Variants in DOCK8 observed in about 807,000 individuals in gnomAD.
DOCK8 encodes the protein dedicator of cytokinesis protein 8.
DOCK8 carries 141 observed loss-of-function variants against 245.6 expected under a neutral mutation model. The ratio of observed to expected loss-of-function variants is 0.57; its 90% CI spans 0.50 to 0.66. DOCK8 has a LOEUF of 0.66. Ranked by LOEUF, DOCK8 falls within the 30% of genes least tolerant of loss-of-function variation. The pLI is 0.00. For synonymous variants in DOCK8, 1,168 were observed against 970.2 expected, an observed-to-expected ratio of 1.20 and a Z score of -3.79; for missense variants, 2,965 against 2,603.4, an observed-to-expected ratio of 1.14 and a Z score of -3.02.
rs1277430212 is a variant in DOCK8 at position 429,863 on chromosome 9, T to A, written c.4626+9T>A. On this transcript the variant is annotated intron_variant, in intron 36 of 47. Transcript: ENST00000432829. ...GTTTTGGAGCCACCAGTGTAAGAGT[T>A]CAAACCAGCTGAGTGACCTGGAATC... 1 of 1,613,920 alleles carries A rather than the reference T, an allele frequency of 6.2e-7. No individual in the cohort carries two copies. Among genetic ancestry groups the A allele is most frequent in the South Asian group, 1.1e-5 (1 of 91,058 alleles).
chr9:391,044 G>A (rs1381257142), intron 24 of DOCK8, among the ~76,000 whole-genome samples: 3 of 152,042 alleles, frequency 2.0e-5, no homozygotes, highest in African/African-American at 4.8e-5. Flanking sequence ...CTCATCTCAC[G>A]CCACATTCCC....
intron 1 of DOCK8, among the ~76,000 whole-genome samples, chr9:233,333 G>C (rs2047163890): frequency 6.6e-6 from 1 of 152,208 alleles, no homozygotes; most frequent in African/African-American, 2.4e-5. Flanking sequence ...GGTCAATTTT[G>C]GAATAGGTGT....
intron 14 of DOCK8, among the ~76,000 whole-genome samples, chr9:350,636 C>G (rs2052118952): frequency 6.6e-6 from 1 of 152,182 alleles, no homozygotes; most frequent in African/African-American, 2.4e-5. Context: ...TGATTGATGG[C>G]TGCTTCCTCT....
intron 37 of DOCK8, among the ~76,000 whole-genome samples, chr9:433,483 C>A (rs550087740): frequency 1.5e-4 from 23 of 152,348 alleles, no homozygotes; most frequent in African/African-American, 5.1e-4. Context: ...CAGGAGGCTT[C>A]TGAGACATGG....
rs1236806457 is a variant in DOCK8, at chr9:392,528, C to A, written c.2970+1962C>A. On this transcript the variant is annotated intron_variant, in intron 24 of 47. Coordinates refer to ENST00000432829, the MANE Select transcript of DOCK8 (RefSeq NM_203447.4). The stretch of plus-strand genomic sequence containing the variant: ...CTAAAATTAGGAGGCTGGAGGCCAG[C>A]ATTGTGCATTTACCTGTCTTCTCAG... 2.0e-5 allele frequency among the ~76,000 whole-genome samples: 3 copies of A among 152,208 alleles called. No individual in the cohort carries two copies. In the East Asian group the frequency reaches 5.8e-4, roughly 29 times the overall value.
chr9:346,517 C>A (rs113620568), intron 14 of DOCK8, among the ~76,000 whole-genome samples: 98 of 152,340 alleles, frequency 6.4e-4, no homozygotes, highest in African/African-American at 1.9e-3. Flanking sequence ...ACATAAAGTA[C>A]GTTTTCATCT....
chr9:411,913 C>G (rs896794098), intron 28 of DOCK8, among the ~76,000 whole-genome samples: 1 of 152,144 alleles, frequency 6.6e-6, no homozygotes, highest in Admixed American at 6.5e-5. Context: ...ACTCAACAAA[C>G]CTTTTAGGAA....
At chr9:438,232 A>C (rs897643239) in intron 39 of DOCK8, among the ~76,000 whole-genome samples, 1 of 152,226 alleles carries the variant, frequency 6.6e-6, no homozygotes, top group South Asian at 2.1e-4. Context: ...TTAGTTCACA[A>C]GCCAACTCTG....
At chr9:272,576 G>C (rs1276873353) in intron 2 of DOCK8, among the ~76,000 whole-genome samples, 1 of 151,980 alleles carries the variant, frequency 6.6e-6, no homozygotes, top group East Asian at 1.9e-4. Context: ...TGTAGAGACA[G>C]GGGTCTCGCT....
intron 1 of DOCK8, among the ~76,000 whole-genome samples, chr9:223,715 T>C (rs2046931729): frequency 6.6e-6 from 1 of 151,672 alleles, no homozygotes; most frequent in African/African-American, 2.4e-5. Flanking sequence ...TATCTAAAGG[T>C]CTCCACTTAA....
At chr9:336,828 A>G in intron 12 of DOCK8, 110 bp downstream of exon 12, 2 of 1,289,584 alleles carry the variant, frequency 1.6e-6, no homozygotes, top group East Asian at 4.6e-5. Context: ...AGTTAAGCTC[A>G]CTCTCTTAGT....
rs773902017 is a variant in DOCK8 at position 340,338 on chromosome 9, C to A, written c.1679+17C>A. The A allele has an allele frequency of 6.2e-7, 1 of 1,613,830 alleles. No individual in the cohort carries two copies. Among genetic ancestry groups the A allele is most frequent in the Non-Finnish European group, 8.5e-7 (1 of 1,179,868 alleles). Reference sequence around the variant, plus strand: ...TGTGTACAGGTAAGAAACACAGGCTCGGGCTGGGCGTGGTGGCTTACACCA... The same window carrying A: ...TGTGTACAGGTAAGAAACACAGGCTAGGGCTGGGCGTGGTGGCTTACACCA... On this transcript the variant is annotated intron_variant, in intron 14 of 47. Transcript: ENST00000432829.
At chr9:311,446 T>C (rs1450463447) in intron 5 of DOCK8, among the ~76,000 whole-genome samples, 1 of 146,454 alleles carries the variant, frequency 6.8e-6, no homozygotes, top group Non-Finnish European at 1.5e-5. Flanking sequence ...AGAGACTGAG[T>C]CTCATTGTGT....
intron 14 of DOCK8, among the ~76,000 whole-genome samples, chr9:354,458 T>A (rs979647414): frequency 6.6e-6 from 1 of 152,194 alleles, no homozygotes; most frequent in African/African-American, 2.4e-5. Flanking sequence ...TTTAAAAATT[T>A]ACATACTTGT....
chr9:219,900 A>T (rs1029655721), intron 1 of DOCK8, among the ~76,000 whole-genome samples: 12 of 152,214 alleles, frequency 7.9e-5, no homozygotes, highest in Non-Finnish European at 5.9e-5. Flanking sequence ...CTATTTCAAA[A>T]AAAAAGGAAC....
chr9:295,763 G>T (rs1416731333), intron 4 of DOCK8, among the ~76,000 whole-genome samples: 1 of 152,168 alleles, frequency 6.6e-6, no homozygotes, highest in African/African-American at 2.4e-5. Context: ...CTTGCTAGCT[G>T]TGGTAATGGT....
intron 1 of DOCK8, among the ~76,000 whole-genome samples, chr9:270,126 C>G (rs1326699173): frequency 6.6e-6 from 1 of 152,196 alleles, no homozygotes; most frequent in African/African-American, 2.4e-5. Flanking sequence ...ATTTCCCTCA[C>G]GGCTAGTAGA....
chr9:323,646 G>A (rs764149040), intron 7 of DOCK8, among the ~76,000 whole-genome samples: 15 of 152,094 alleles, frequency 9.9e-5, no homozygotes, highest in East Asian at 1.9e-4. Context: ...CTCTGTACCC[G>A]TTAAACAATA....
At chr9:345,948 C>T (rs1171716328) in intron 14 of DOCK8, among the ~76,000 whole-genome samples, 4 of 151,982 alleles carry the variant, frequency 2.6e-5, no homozygotes, top group Admixed American at 1.3e-4. Context: ...CTTGCTCTAA[C>T]GATAGAGACC....
Sources: allele counts gnomAD v4.1 joint callset (sites outside exome capture counted in the v4.1 genomes callset), GRCh38; gene constraint gnomAD v4.1.1; transcripts MANE v1.5; gene names NCBI Gene and HGNC (gene_info 2026-07-23, HGNC 2026-07-21).